Variants in KRT73 observed in about 807,000 individuals in gnomAD.
KRT73 encodes keratin, type II cytoskeletal 73.
In KRT73, 44 loss-of-function variants were observed where a neutral mutation model predicts 47.2. That is an observed-to-expected ratio of 0.93 (90% CI 0.73 to 1.20). The LOEUF (loss-of-function observed/expected upper bound fraction) is 1.20. Ranked by LOEUF, KRT73 falls within the 50% of genes most tolerant of loss-of-function variation. The pLI is 0.00. For synonymous variants in KRT73, 285 were observed against 291.3 expected (o/e 0.98, Z 0.22); for missense variants, 713 against 704.5 (o/e 1.01, Z -0.14).
At chr12:52,611,117 G>T in intron 6 of KRT73, 87 bp downstream of exon 6, 4 of 1,512,278 alleles carry the variant, frequency 2.6e-6, no homozygotes, top group Non-Finnish European at 3.6e-6. Flanking sequence ...TTCTGAAATG[G>T]ATGCTCAAGA....
upstream of KRT73, chr12:52,618,602 C>T: frequency 6.8e-7 from 1 of 1,463,778 alleles, no homozygotes; most frequent in Non-Finnish European, 9.2e-7. Context: ...ATCCTGGGCT[C>T]CCACTTTATA....
chr12:52,616,130 G>A lies in KRT73; in HGVS notation c.662+36C>T, dbSNP rs1229099003. On this transcript the variant is annotated intron_variant, in intron 2 of 8. Coordinates refer to ENST00000305748, the MANE Select transcript of KRT73 (RefSeq NM_175068.3). ...GTGCCTGCTGGGAAAGCCTCACCCTGGGAGGCAGACCAGCCTGGAGTGGCG... is the reference window on the plus strand; with the variant it reads ...GTGCCTGCTGGGAAAGCCTCACCCTAGGAGGCAGACCAGCCTGGAGTGGCG... The A allele has an allele frequency of 1.6e-5, 25 of 1,611,422 alleles. No individual in the cohort carries two copies. In the East Asian group the frequency reaches 5.1e-4, roughly 33 times the overall value.
chr12:52,615,143 C>G, intron 3 of KRT73, 136 bp downstream of exon 3: 3 of 684,424 alleles, frequency 4.4e-6, no homozygotes, highest in South Asian at 3.8e-5. Context: ...ATGTCCCAAG[C>G]AGCAAGCCCT....
At chr12:52,629,075 AGGACCTGGCAGCCCT>A in the KRT73 span, among the ~76,000 whole-genome samples, 1 of 152,194 alleles carries the variant, frequency 6.6e-6, no homozygotes, top group African/African-American at 2.4e-5. Context: ...CTGGCCCCCA[AGGACCTGGCAGCCCT>A]GGACACGAAC....
chr12:52,616,460 C>G, intron 1 of KRT73, 80 bp from the exon 2 acceptor site: 1 of 1,548,166 alleles, frequency 6.5e-7, no homozygotes, highest in East Asian at 2.3e-5. Flanking sequence ...ACTGTGTTTT[C>G]TTATGCTACA....
At chr12:52,619,970 C>G (rs1270433535), upstream of KRT73, among the ~76,000 whole-genome samples, 1 of 152,110 alleles carries the variant, frequency 6.6e-6, no homozygotes, top group African/African-American at 2.4e-5. Context: ...AATTCAACCT[C>G]CCCTCTGTTT....
upstream of KRT73, among the ~76,000 whole-genome samples, chr12:52,623,359 C>T (rs746524033): frequency 2.0e-4 from 30 of 152,168 alleles, no homozygotes; most frequent in Non-Finnish European, 2.6e-4. Flanking sequence ...ACTGTTGATG[C>T]AGAATTCAGT....
intron 7 of KRT73, 43 bp from the exon 8 acceptor site, chr12:52,609,324 T>C (rs746812032): frequency 6.4e-7 from 1 of 1,566,846 alleles, no homozygotes; most frequent in Non-Finnish European, 8.8e-7. Context: ...TCACGTGGAC[T>C]CCCATAGTGG....
chr12:52,616,257 G>A lies in KRT73; in HGVS notation c.571C>T (p.Arg191Trp), dbSNP rs774588852. 7.1e-5 allele frequency: 115 copies of A among 1,614,048 alleles called. No individual in the cohort carries two copies. Among genetic ancestry groups the A allele is most frequent in the South Asian group, 5.5e-5 (5 of 91,074 alleles). ...CCAGACAGCGTCTCCAGCTGCTTCC[G>A]CAGGTTGCTGATGTAGCCCTCAAGG... ...PILEGYISNL[R>W]KQLETLSGDR... Residue 191 changes from arginine to tryptophan, a missense_variant, in exon 2 of 9, where the codon CGG becomes TGG. Physicochemically the swap from Arg to Trp is moderately radical, Grantham distance 101 (BLOSUM62 -3). Transcript: ENST00000305748.
chr12:52,624,392 A>G, the KRT73 span, among the ~76,000 whole-genome samples: 2 of 152,106 alleles, frequency 1.3e-5, no homozygotes, highest in African/African-American at 4.8e-5. Flanking sequence ...AGAACTTAAC[A>G]GTACCATCAA....
chr12:52,616,411 T>C lies in KRT73; in HGVS notation c.448-31A>G, dbSNP rs755917812. 5.0e-6 allele frequency: 8 copies of C among 1,612,404 alleles called. No individual in the cohort carries two copies. In the African/African-American group the frequency reaches 8.0e-5, roughly 16 times the overall value. ...ACCCATGCCACACATACTTAAGCAATGTGGAGAGGGGATGTGAGAATTCCC... is the reference window on the plus strand; with the variant it reads ...ACCCATGCCACACATACTTAAGCAACGTGGAGAGGGGATGTGAGAATTCCC... On this transcript the variant is annotated intron_variant, in intron 1 of 8. Coordinates refer to ENST00000305748, the MANE Select transcript of KRT73 (RefSeq NM_175068.3).
Position 52,618,365 on chromosome 12 carries a change from C to T in KRT73, c.160G>A (p.Ala54Thr), listed in dbSNP as rs755021343. 6.2e-7 allele frequency: 1 copy of T among 1,614,190 alleles called. No individual in the cohort carries two copies. Among genetic ancestry groups the T allele is most frequent in the Non-Finnish European group, 8.5e-7 (1 of 1,180,042 alleles). Residue 54 changes from alanine (A) to threonine (T), a missense_variant, in exon 1 of 9, where the codon GCC (alanine) becomes ACC (threonine). Transcript: ENST00000305748. The stretch of plus-strand genomic sequence containing the variant: ...GCCACATTGAAAGAGATGCTCCGGG[C>T]ACCCCCCAGGCTGTAAAGGCTCCGA... ...SSRSLYSLGGARSISFNVASG... is the reference protein window; with the variant it reads ...SSRSLYSLGGTRSISFNVASG...
chr12:52,626,486 C>G, the KRT73 span, among the ~76,000 whole-genome samples: 1 of 152,242 alleles, frequency 6.6e-6, no homozygotes, highest in Admixed American at 6.5e-5. Context: ...CCTGAACCCA[C>G]TCTCAGGAGT....
At chr12:52,613,997 C>T in intron 4 of KRT73, 145 bp from the exon 5 acceptor site, 1 of 1,277,232 alleles carries the variant, frequency 7.8e-7, no homozygotes, top group Non-Finnish European at 1.1e-6. Flanking sequence ...ACAGAGCTCA[C>T]AGCCCAGAGG....
In KRT73 at chr12:52,608,144, A is replaced by G; in HGVS notation, c.*52T>C. The G allele has an allele frequency of 6.4e-7, 1 of 1,558,182 alleles. No individual in the cohort carries two copies. Among genetic ancestry groups the G allele is most frequent in the African/African-American group, 1.4e-5 (1 of 73,662 alleles). On this transcript the variant is annotated 3_prime_UTR_variant, in exon 9 of 9. Coordinates refer to ENST00000305748, the MANE Select transcript of KRT73 (RefSeq NM_175068.3). ...AGAGGAATTTCCTAGAAGAGTCCGGAGCAGTCTGCCAGGGCAAGGCAGACT... is the reference window on the plus strand; with the variant it reads ...AGAGGAATTTCCTAGAAGAGTCCGGGGCAGTCTGCCAGGGCAAGGCAGACT...
rs1484125854 is a variant in KRT73, at chr12:52,616,397, A to T, written c.448-17T>A. 2 of 1,613,892 alleles carry T rather than the reference A, an allele frequency of 1.2e-6. No individual in the cohort carries two copies. The highest frequency in any genetic ancestry group is 3.3e-5 in the Admixed American group (2 of 60,002). On this transcript the variant is annotated splice_polypyrimidine_tract_variant and intron_variant, in intron 1 of 8. Coordinates refer to ENST00000305748, the MANE Select transcript of KRT73 (RefSeq NM_175068.3). Reference sequence around the variant, plus strand: ...GAACCGCACCTGGAACCCATGCCACACATACTTAAGCAATGTGGAGAGGGG... The same window carrying T: ...GAACCGCACCTGGAACCCATGCCACTCATACTTAAGCAATGTGGAGAGGGG...
At chr12:52,616,417 G>C in intron 1 of KRT73, 37 bp from the exon 2 acceptor site, 2 of 1,608,492 alleles carry the variant, frequency 1.2e-6, no homozygotes, top group Non-Finnish European at 1.7e-6. Flanking sequence ...GCAATGTGGA[G>C]AGGGGATGTG....
intron 1 of KRT73, 116 bp downstream of exon 1, chr12:52,617,962 G>C (rs1049308186): frequency 6.0e-6 from 7 of 1,176,342 alleles, no homozygotes; most frequent in Non-Finnish European, 7.2e-6. Context: ...GTCTGATTTT[G>C]CTGGGAGAAA....
At chr12:52,614,528 T>C in intron 4 of KRT73, 51 bp downstream of exon 4, 1 of 1,483,810 alleles carries the variant, frequency 6.7e-7, no homozygotes, top group East Asian at 2.3e-5. Flanking sequence ...GTTCATCACA[T>C]ATCTGTCCTT....
Sources: gnomAD v4.1 joint callset for allele counts (sites outside exome capture counted in the v4.1 genomes callset) on GRCh38, gnomAD v4.1.1 for gene constraint, MANE v1.5 for transcripts, NCBI Gene and HGNC (gene_info 2026-07-23, HGNC 2026-07-21) for gene names.